GRIN2A: variants seen among roughly 807,000 people sequenced by gnomAD.
GRIN2A encodes the protein glutamate ionotropic receptor NMDA type subunit 2A.
GRIN2A carries 22 observed loss-of-function variants against 113.4 expected under a neutral mutation model. That is an observed-to-expected ratio of 0.19 (90% confidence interval 0.14 to 0.28). The LOEUF (loss-of-function observed/expected upper bound fraction) is 0.28. Among genes scored for constraint, GRIN2A ranks in the 10% least tolerant of loss-of-function variants. The pLI is 1.00. For synonymous variants in GRIN2A, 827 were observed against 738.4 expected (o/e 1.12, Z -1.94); for missense variants, 1,502 against 1,887.0 (o/e 0.80, Z 3.78).
At chr16:9,876,928 G>A (rs913388196) in intron 4 of GRIN2A, among the ~76,000 whole-genome samples, 6 of 152,112 alleles carry the variant, frequency 3.9e-5, no homozygotes, top group Non-Finnish European at 7.4e-5. Flanking sequence ...TAAAGAATAC[G>A]AGTTAAGTCC....
chr16:9,889,170 T>C (rs547570032), intron 4 of GRIN2A, among the ~76,000 whole-genome samples: 8 of 152,302 alleles, frequency 5.3e-5, no homozygotes, highest in South Asian at 4.1e-4. Flanking sequence ...AGATCGTCAA[T>C]ACCTACATCT....
At chr16:9,853,015 T>C (rs2042911666) in intron 4 of GRIN2A, among the ~76,000 whole-genome samples, 1 of 152,082 alleles carries the variant, frequency 6.6e-6, no homozygotes. Flanking sequence ...TCATACAAAT[T>C]GGGAGGAAGA....
In GRIN2A at chr16:9,949,089, C is replaced by T. The variant is rs562792770; in HGVS notation, c.415-10538G>A. ...GGAAATAGGAAACAGCTGCCGCCTC[C>T]TCTCTCCCCTCCACCTCCACGGTGC... On this transcript the variant is annotated intron_variant, in intron 2 of 12. Coordinates refer to ENST00000330684, the MANE Select transcript of GRIN2A (RefSeq NM_001134407.3). 6.6e-5 allele frequency among the ~76,000 whole-genome samples: 10 copies of T among 152,324 alleles called. No individual in the cohort carries two copies. In the South Asian group the frequency reaches 1.9e-3, roughly 28 times the overall value.
At chr16:10,066,554 A>G (rs1193793966) in intron 2 of GRIN2A, among the ~76,000 whole-genome samples, 1 of 152,320 alleles carries the variant, frequency 6.6e-6, no homozygotes, top group East Asian at 1.9e-4. Context: ...TCACTGAGTA[A>G]GACCTCACTC....
At chr16:10,123,149 G>C (rs769927274) in intron 2 of GRIN2A, among the ~76,000 whole-genome samples, 2 of 152,094 alleles carry the variant, frequency 1.3e-5, no homozygotes, top group Non-Finnish European at 2.9e-5. Context: ...AGTCCTTTTT[G>C]TCCTCTCACA....
intron 2 of GRIN2A, among the ~76,000 whole-genome samples, chr16:10,009,992 G>A (rs902141716): frequency 9.2e-5 from 14 of 152,236 alleles, no homozygotes; most frequent in Non-Finnish European, 2.1e-4. Context: ...ACAGTCACTT[G>A]TCTTGGGCCA....
intron 11 of GRIN2A, among the ~76,000 whole-genome samples, chr16:9,785,140 G>A (rs1475137515): frequency 1.3e-5 from 2 of 152,130 alleles, no homozygotes; most frequent in African/African-American, 4.8e-5. Context: ...ACATGCACAC[G>A]TGTGTTTATT....
chr16:9,946,881 A>C (rs747054555), intron 2 of GRIN2A, among the ~76,000 whole-genome samples: 5 of 152,176 alleles, frequency 3.3e-5, no homozygotes, highest in Non-Finnish European at 7.3e-5. Flanking sequence ...CCAAGTTCTG[A>C]TATCCATGTT....
intron 2 of GRIN2A, among the ~76,000 whole-genome samples, chr16:10,015,271 A>AAAAAAG (rs2046586158): frequency 9.1e-6 from 1 of 110,476 alleles, no homozygotes; most frequent in Admixed American, 9.1e-5. Context: ...AAAAAAAAAA[A>AAAAAAG]GAAAAAAAAA....
intron 2 of GRIN2A, among the ~76,000 whole-genome samples, chr16:10,131,259 G>C (rs1206697071): frequency 6.6e-6 from 1 of 152,206 alleles, no homozygotes; most frequent in Non-Finnish European, 1.5e-5. Flanking sequence ...AGCATGTAGA[G>C]TGGGCTGTAG....
chr16:10,052,260 A>C (rs992464600), intron 2 of GRIN2A, among the ~76,000 whole-genome samples: 7 of 152,256 alleles, frequency 4.6e-5, no homozygotes, highest in Admixed American at 3.9e-4. Flanking sequence ...ATGACTTTCC[A>C]AAGAGCTGAT....
chr16:10,069,152 A>C (rs1256317513), intron 2 of GRIN2A, among the ~76,000 whole-genome samples: 1 of 152,160 alleles, frequency 6.6e-6, no homozygotes, highest in Non-Finnish European at 1.5e-5. Context: ...GAAAGGATGA[A>C]GTAGGGGAGG....
intron 11 of GRIN2A, among the ~76,000 whole-genome samples, chr16:9,780,078 G>A (rs1211689846): frequency 2.6e-5 from 4 of 152,192 alleles, no homozygotes; most frequent in African/African-American, 9.7e-5. Flanking sequence ...GACACCTAGA[G>A]TTCTGTTGCA....
intron 10 of GRIN2A, among the ~76,000 whole-genome samples, chr16:9,809,880 C>A (rs1239349881): frequency 6.6e-6 from 1 of 152,114 alleles, no homozygotes; most frequent in Non-Finnish European, 1.5e-5. Context: ...CCAGTCTGGC[C>A]AAGATGGTGA....
chr16:9,996,386 G>A (rs1229402258), intron 2 of GRIN2A, among the ~76,000 whole-genome samples: 1 of 152,184 alleles, frequency 6.6e-6, no homozygotes, highest in Non-Finnish European at 1.5e-5. Flanking sequence ...CCCCTGAGCA[G>A]CTATTCTTTC....
intron 2 of GRIN2A, among the ~76,000 whole-genome samples, chr16:9,962,184 T>C (rs2045456077): frequency 6.6e-6 from 1 of 152,164 alleles, no homozygotes; most frequent in Non-Finnish European, 1.5e-5. Context: ...GGCAATACCA[T>C]TCAGGACATA....
chr16:9,969,753 C>T (rs1296835493), intron 2 of GRIN2A, among the ~76,000 whole-genome samples: 9 of 152,210 alleles, frequency 5.9e-5, no homozygotes, highest in Non-Finnish European at 1.3e-4. Context: ...GTATGACTGG[C>T]ACCCAGTGGG....
At chr16:10,008,217 A>T (rs1320218384) in intron 2 of GRIN2A, among the ~76,000 whole-genome samples, 1 of 152,108 alleles carries the variant, frequency 6.6e-6, no homozygotes, top group Non-Finnish European at 1.5e-5. Flanking sequence ...TGCCTTCCCC[A>T]ATCCCCTTAT....
At chr16:9,963,895 C>T (rs1308048053) in intron 2 of GRIN2A, among the ~76,000 whole-genome samples, 1 of 152,174 alleles carries the variant, frequency 6.6e-6, no homozygotes, top group Non-Finnish European at 1.5e-5. Flanking sequence ...AGACATAGTG[C>T]CATGTCCTGG....
Sources: allele counts gnomAD v4.1 joint callset (sites outside exome capture counted in the v4.1 genomes callset), GRCh38; gene constraint gnomAD v4.1.1; transcripts MANE v1.5; gene names NCBI Gene and HGNC (gene_info 2026-07-23, HGNC 2026-07-21).